DOCK3: variants seen among roughly 807,000 people sequenced by gnomAD.
DOCK3 encodes the protein dedicator of cytokinesis protein 3.
DOCK3 carries 60 observed loss-of-function variants against 265.6 expected under a neutral mutation model. The ratio of observed to expected loss-of-function variants is 0.23; its 90% CI spans 0.18 to 0.28. The LOEUF (loss-of-function observed/expected upper bound fraction) is 0.28, where lower values mean the gene tolerates loss of function less well. Ranked by LOEUF, DOCK3 falls within the 10% of genes least tolerant of loss-of-function variation. The pLI is 1.00. For missense variants in DOCK3, 1,981 were observed against 2,594.3 expected (o/e 0.76, Z 5.14); for synonymous variants, 881 against 938.0 (o/e 0.94, Z 1.11).
chr3:51,243,062 G>A (rs2078679513), intron 21 of DOCK3, among the ~76,000 whole-genome samples: 1 of 152,180 alleles, frequency 6.6e-6, no homozygotes, highest in Non-Finnish European at 1.5e-5. Flanking sequence ...GGAGAGGCCA[G>A]CCAACCAAGG....
chr3:51,246,670 C>G, intron 21 of DOCK3, 56 bp from the exon 22 acceptor site: 2 of 1,518,700 alleles, frequency 1.3e-6, no homozygotes. Context: ...ACAGATGTTT[C>G]AAGCTGCATT....
chr3:51,065,271 C>A (rs1225662682), intron 6 of DOCK3, among the ~76,000 whole-genome samples: 1 of 152,036 alleles, frequency 6.6e-6, no homozygotes, highest in Non-Finnish European at 1.5e-5. Context: ...GTCCATTGAA[C>A]TTTTAAGTGA....
chr3:51,125,433 A>G (rs1239675179), intron 9 of DOCK3, among the ~76,000 whole-genome samples: 3 of 151,930 alleles, frequency 2.0e-5, no homozygotes, highest in Non-Finnish European at 2.9e-5. Flanking sequence ...ATATTTTTCT[A>G]TTTCCTCTGT....
chr3:51,312,857 C>T lies in DOCK3; in HGVS notation c.3208C>T (p.Arg1070Cys), dbSNP rs752513100. The T allele has an allele frequency of 1.9e-6, 3 of 1,610,544 alleles. No homozygotes were observed. The highest frequency in any genetic ancestry group is 2.5e-6 in the Non-Finnish European group (3 of 1,178,394). The change falls in exon 31 of 53, where the codon CGT (arginine) becomes TGT (cysteine). Residue 1070 changes from arginine (R) to cysteine (C), a missense_variant. Physicochemically the swap from Arg to Cys is radical, Grantham distance 180. Around this residue, in one of 4 missense-constraint regions of DOCK3, gnomAD observed 1,357 missense variants for 1,866.8 expected, o/e 0.73. Transcript: ENST00000266037. ...TACTATTCTTAGGTATGGGGACATG[C>T]GTGTAATGATGGCCTATGAACTGTT... ...KKILDKYGDM[R>C]VMMAYELFSM...
intron 9 of DOCK3, among the ~76,000 whole-genome samples, chr3:51,137,701 TATGAAATTA>T (rs750519018): frequency 6.6e-6 from 1 of 152,230 alleles, no homozygotes; most frequent in Non-Finnish European, 1.5e-5. Flanking sequence ...TGATCAATAA[TATGAAATTA>T]ATGTAACTTC....
At position 51,145,683 on chromosome 3, in the gene DOCK3, A is replaced by G. The variant is rs185757372; in HGVS notation, c.747-866A>G. Among the ~76,000 whole-genome samples the G allele has an allele frequency of 1.0e-3, 159 of 152,214 alleles. No individual in the cohort carries two copies. The Middle Eastern group carries it at 0.014, about 13-fold the overall frequency. ...GCCCAAGACAGTTCTTCTTCTTCCAATGCGACCCAGGGTAGCCAAAAGATT... is the reference window on the plus strand; with the variant it reads ...GCCCAAGACAGTTCTTCTTCTTCCAGTGCGACCCAGGGTAGCCAAAAGATT... On this transcript the variant is annotated intron_variant, in intron 9 of 52. Transcript: ENST00000266037.
intron 1 of DOCK3, among the ~76,000 whole-genome samples, chr3:50,770,179 T>C (rs2041188022): frequency 6.6e-6 from 1 of 152,302 alleles, no homozygotes; most frequent in South Asian, 2.1e-4. Context: ...TATTTGCAGA[T>C]GATATTATCT....
intron 35 of DOCK3, among the ~76,000 whole-genome samples, chr3:51,333,541 A>G: frequency 6.6e-6 from 1 of 152,168 alleles, no homozygotes; most frequent in East Asian, 1.9e-4. Flanking sequence ...CAGAAGGGTC[A>G]AGGCTCAGAG....
rs187071575 is a variant in DOCK3 at position 50,962,146 on chromosome 3, C to T, written c.315+28069C>T. 4.2e-3 allele frequency among the ~76,000 whole-genome samples: 646 copies of T among 152,252 alleles called. 1 individual carries two copies. Among genetic ancestry groups the T allele is most frequent in the Middle Eastern group, 6.8e-3 (2 of 294 alleles). On this transcript the variant is annotated intron_variant, in intron 5 of 52. Transcript: ENST00000266037. ...AGGTATTTCTCCTAATGCTATCCCT[C>T]CCCTAGCCCCCAGACCCCACAACAG...
chr3:51,225,515 A>T (rs1216577869), intron 14 of DOCK3, 134 bp from the exon 15 acceptor site: 2 of 1,377,034 alleles, frequency 1.5e-6, no homozygotes, highest in African/African-American at 2.9e-5. Flanking sequence ...AATGTCCATC[A>T]TTATTAACCA....
chr3:51,140,871 G>A (rs961013516), intron 9 of DOCK3, among the ~76,000 whole-genome samples: 1 of 152,028 alleles, frequency 6.6e-6, no homozygotes, highest in Non-Finnish European at 1.5e-5. Context: ...ATCTTTTCAT[G>A]TGTTTATTTG....
At chr3:51,147,747 A>G (rs1464625029) in intron 10 of DOCK3, among the ~76,000 whole-genome samples, 2 of 152,126 alleles carry the variant, frequency 1.3e-5, no homozygotes, top group African/African-American at 4.8e-5. Flanking sequence ...TAATTGGTGG[A>G]CATTTGGGTT....
intron 7 of DOCK3, among the ~76,000 whole-genome samples, chr3:51,084,716 A>G (rs1248438848): frequency 6.6e-6 from 1 of 152,182 alleles, no homozygotes; most frequent in Non-Finnish European, 1.5e-5. Context: ...TTACCATCAT[A>G]AAAAAACCAC....
chr3:50,904,464 G>A (rs913906334), intron 4 of DOCK3, among the ~76,000 whole-genome samples: 1 of 152,196 alleles, frequency 6.6e-6, no homozygotes, highest in African/African-American at 2.4e-5. Context: ...TCTAACTGGT[G>A]TGAGATAGTA....
intron 1 of DOCK3, among the ~76,000 whole-genome samples, chr3:50,768,294 C>G (rs1481963527): frequency 6.6e-6 from 1 of 152,076 alleles, no homozygotes. Flanking sequence ...TATGTCCCAT[C>G]AATACCTAAT....
At chr3:50,972,865 CTT>C (rs1289966483) in intron 5 of DOCK3, among the ~76,000 whole-genome samples, 1 of 145,850 alleles carries the variant, frequency 6.9e-6, no homozygotes, top group Non-Finnish European at 1.5e-5. Context: ...GCTTTGTTCT[CTT>C]TGCTCAGGGT....
chr3:50,767,751 G>A (rs2040992133), intron 1 of DOCK3, among the ~76,000 whole-genome samples: 1 of 152,174 alleles, frequency 6.6e-6, no homozygotes. Flanking sequence ...CTATCCATGA[G>A]CATGGAATGT....
At chr3:51,207,312 C>A (rs546936236) in intron 12 of DOCK3, among the ~76,000 whole-genome samples, 1 of 152,234 alleles carries the variant, frequency 6.6e-6, no homozygotes, top group African/African-American at 2.4e-5. Flanking sequence ...CCAGTTCCAC[C>A]ATACCACCAA....
At chr3:50,888,039 A>G (rs1005496810) in intron 3 of DOCK3, among the ~76,000 whole-genome samples, 8 of 152,096 alleles carry the variant, frequency 5.3e-5, no homozygotes, top group African/African-American at 9.6e-5. Flanking sequence ...GAAATAAAGG[A>G]TATTCAATTA....
Sources: gnomAD v4.1 joint callset for allele counts (sites outside exome capture counted in the v4.1 genomes callset) on GRCh38, gnomAD v4.1.1 for gene constraint, gnomAD v4.1.1 regional missense constraint, MANE v1.5 for transcripts, NCBI Gene and HGNC (gene_info 2026-07-23, HGNC 2026-07-21) for gene names.